The following COL18A1 variants were observed in gnomAD, a reference collection of about 807,000 sequenced individuals.
COL18A1 encodes the protein collagen alpha-1(XVIII) chain.
Under a neutral mutation model 168.0 loss-of-function variants are expected in COL18A1, and 133 were observed. The observed-to-expected ratio is 0.79, with a 90% confidence interval of 0.69 to 0.91. The LOEUF (loss-of-function observed/expected upper bound fraction) is 0.91. COL18A1 is among the 40% of genes least tolerant of loss of function. COL18A1 has a pLI of 0.00. For synonymous variants in COL18A1, 949 were observed against 809.0 expected (o/e 1.17, Z -2.94); for missense variants, 2,126 against 1,925.4 (o/e 1.10, Z -1.95).
chr21:45,418,339 A>G (rs143860122), intron 2 of COL18A1, among the ~76,000 whole-genome samples: 1 of 151,960 alleles, frequency 6.6e-6, no homozygotes, highest in East Asian at 1.9e-4. Context: ...AGGGTCCCCG[A>G]GCTGGGGAGG....
rs567903603 is a variant in COL18A1 at position 45,456,512 on chromosome 21, G to A, written c.107-11730G>A. ...CTCTGCCCTGCTCGGGGCTGACCCCGAGGCCCCCGCCGGTCGCTGCCTGCC... is the reference window on the plus strand; with the variant it reads ...CTCTGCCCTGCTCGGGGCTGACCCCAAGGCCCCCGCCGGTCGCTGCCTGCC... On this transcript the variant is annotated intron_variant, in intron 2 of 41. Transcript: ENST00000651438. 5.7e-5 allele frequency: 88 copies of A among 1,547,636 alleles called. No homozygotes were observed. The African/African-American group carries it at 8.6e-4, about 15-fold the overall frequency.
chr21:45,479,155 AGTGT>A lies in COL18A1; in HGVS notation c.1249-743_1249-740del, dbSNP rs1033339239. Among the ~76,000 whole-genome samples the A allele has an allele frequency of 3.3e-4, 49 of 149,624 alleles. No individual in the cohort carries two copies. In the South Asian group the frequency reaches 0.01, roughly 31 times the overall value. ...GTGTGTATGTATGTGCATGTGTTTG[AGTGT>A]GTGAATGTGTGACTGCGCGTGTGTG... On this transcript the variant is annotated intron_variant, in intron 9 of 41. Coordinates refer to ENST00000651438, the MANE Select transcript of COL18A1 (RefSeq NM_001379500.1).
At position 45,496,547 on chromosome 21, in the gene COL18A1, G is replaced by A. The variant is rs1322928562; in HGVS notation, c.2556G>A (p.Gly852=). Residue 852 remains glycine, a synonymous_variant, in exon 30 of 42, where the codon GGG becomes GGA. Transcript: ENST00000651438. ...CTCCAGGGCCCCCAGGCCCTCCAGG[G>A]ACTCCTGTTTACGACAGCAATGTAA... ...PGPPGPPGPP[G]TPVYDSNVFA... 5 of 1,523,044 alleles carry A rather than the reference G, an allele frequency of 3.3e-6. 1 individual carries two copies. In the South Asian group the frequency reaches 5.6e-5, roughly 17 times the overall value. The allele number at this position is 1,523,044 out of a possible 1,614,324, so 94.3% of individuals were successfully genotyped here. A position where few individuals can be genotyped will look rare whatever the true frequency, so the allele number is the denominator to read the frequency against.
At chr21:45,421,227 T>C in intron 2 of COL18A1, 1 of 362,024 alleles carries the variant, frequency 2.8e-6, no homozygotes, top group Admixed American at 3.7e-5. Flanking sequence ...CCCACCCCCA[T>C]AGGTGCTTGC....
rs1384580699 is a variant in COL18A1 at position 45,456,025 on chromosome 21, G to A, written c.107-12217G>A. 8 of 1,610,956 alleles carry A rather than the reference G, an allele frequency of 5.0e-6. No homozygotes were observed. Among genetic ancestry groups the A allele is most frequent in the African/African-American group, 1.3e-5 (1 of 74,866 alleles). On this transcript the variant is annotated intron_variant, in intron 2 of 41. Coordinates refer to ENST00000651438, the MANE Select transcript of COL18A1 (RefSeq NM_001379500.1). ...CTTCCAGCACCCCCCAGGAGAATGG[G>A]ACCACTCTCTGGCCCAGCCGTGGCA... is the stretch of plus-strand genomic sequence containing the variant.
intron 32 of COL18A1, among the ~76,000 whole-genome samples, chr21:45,501,765 AGAAGGACCCCCAGGGGCTCCAC>A (rs2036852429): frequency 2.5e-5 from 2 of 79,134 alleles, no homozygotes; most frequent in Non-Finnish European, 5.9e-5. Flanking sequence ...CTCCCTCTGC[AGAAGGACCCCCAGGGGCTCCAC>A]AGCCGGTCAC....
chr21:45,458,179 G>C (rs985972431), intron 2 of COL18A1, among the ~76,000 whole-genome samples: 6 of 151,510 alleles, frequency 4.0e-5, no homozygotes, highest in African/African-American at 1.2e-4. Context: ...GCGCTGGGGG[G>C]GCCTGGTGTG....
intron 2 of COL18A1, chr21:45,456,082 G>T (rs2034795053): frequency 6.2e-7 from 1 of 1,602,028 alleles, no homozygotes; most frequent in East Asian, 2.2e-5. Context: ...ACACAACCGA[G>T]GCTGGCACCT....
intron 12 of COL18A1, 45 bp downstream of exon 12, chr21:45,480,565 T>C (rs1002114763): frequency 2.5e-6 from 4 of 1,613,584 alleles, no homozygotes; most frequent in Non-Finnish European, 3.4e-6. Context: ...TCTGTGCCCA[T>C]GAGGAACAGG....
intron 2 of COL18A1, among the ~76,000 whole-genome samples, chr21:45,415,994 A>C (rs550380462): frequency 1.3e-5 from 2 of 152,092 alleles, no homozygotes; most frequent in African/African-American, 4.8e-5. Flanking sequence ...CGGGCCTTTC[A>C]ATTATCCAGA....
rs753192695 is a variant in COL18A1, at chr21:45,480,480, T to C, written c.1412T>C (p.Met471Thr). 2 of 1,614,092 alleles carry C rather than the reference T, an allele frequency of 1.2e-6. No individual in the cohort carries two copies. The highest frequency in any genetic ancestry group is 1.7e-6 in the Non-Finnish European group (2 of 1,180,014). Residue 471 changes from methionine (M) to threonine (T), a missense_variant, in exon 12 of 42, where the codon ATG becomes ACG. Met to Thr is a moderately conservative substitution (Grantham distance 81). Transcript: ENST00000651438. ...TCTTTTCCTCAGACCTTCATTGACA[T>C]GGAGGGATCTGGCTTCGGGGGCGAT... The part of the protein sequence containing the change: ...FRHDKLTFID[M>T]EGSGFGGDLE...
At position 45,509,518 on chromosome 21, in the gene COL18A1, C is replaced by T. The variant is rs780206261; in HGVS notation, c.3412C>T (p.Pro1138Ser). ...LPEPQPYPGA[P>S]HHSSYVHLRP... ...CGAGCCCCAGCCCTACCCCGGAGCC[C>T]CGCACCACAGCTCCTACGTGCACCT... The change falls in exon 39 of 42, where the codon CCG becomes TCG. Residue 1138 changes from proline to serine, a missense_variant. Physicochemically the swap from Pro to Ser is moderately conservative, Grantham distance 74 (BLOSUM62 -1). Transcript: ENST00000651438. 8 of 1,534,708 alleles carry T rather than the reference C, an allele frequency of 5.2e-6. No homozygotes were observed. The East Asian group carries it at 1.9e-4, about 37-fold the overall frequency.
intron 2 of COL18A1, among the ~76,000 whole-genome samples, chr21:45,429,180 C>A (rs779396218): frequency 3.3e-5 from 5 of 151,672 alleles, no homozygotes; most frequent in Non-Finnish European, 7.4e-5. Flanking sequence ...GGATTACAGG[C>A]GTGAGCCACC....
chr21:45,478,137 G>C, intron 8 of COL18A1, 172 bp downstream of exon 8: 1 of 807,382 alleles, frequency 1.2e-6, no homozygotes. Flanking sequence ...GGTCAGACGT[G>C]GGAGGCGGAG....
intron 2 of COL18A1, chr21:45,409,903 C>G (rs1358971970): frequency 6.6e-6 from 1 of 152,274 alleles, no homozygotes; most frequent in Non-Finnish European, 1.5e-5. Flanking sequence ...TGTGTTGTCC[C>G]CTGGCGCTGC....
chr21:45,482,904 C>T (rs773044472), intron 15 of COL18A1, 83 bp downstream of exon 15: 17 of 1,603,720 alleles, frequency 1.1e-5, no homozygotes, highest in Non-Finnish European at 1.4e-5. Context: ...GTGGCAGCCC[C>T]ACGGTCGAGA....
chr21:45,480,015 A>G (rs751877864), intron 10 of COL18A1, 51 bp downstream of exon 10: 6 of 1,613,068 alleles, frequency 3.7e-6, no homozygotes, highest in African/African-American at 1.3e-5. Context: ...CCCTTGGCTC[A>G]AGGTGGGGGC....
chr21:45,452,450 G>T (rs924260011), intron 2 of COL18A1, among the ~76,000 whole-genome samples: 1 of 151,158 alleles, frequency 6.6e-6, no homozygotes. Flanking sequence ...GAGTACTCAC[G>T]TGTGACATGT....
In COL18A1 at chr21:45,492,518, C is replaced by T. The variant is rs1225977804; in HGVS notation, c.2158-17C>T. On this transcript the variant is annotated splice_polypyrimidine_tract_variant and intron_variant, in intron 22 of 41. Coordinates refer to ENST00000651438, the MANE Select transcript of COL18A1 (RefSeq NM_001379500.1). ...CGCGGCTCTTTGTTTCCGATTTTTCCTTTTGCTCGTGGACAGGGATCCGTC... is the reference window on the plus strand; with the variant it reads ...CGCGGCTCTTTGTTTCCGATTTTTCTTTTTGCTCGTGGACAGGGATCCGTC... 3 of 1,613,474 alleles carry T rather than the reference C, an allele frequency of 1.9e-6. No individual in the cohort carries two copies. Among genetic ancestry groups the T allele is most frequent in the East Asian group, 4.5e-5 (2 of 44,880 alleles).
Sources: allele counts gnomAD v4.1 joint callset (sites outside exome capture counted in the v4.1 genomes callset), GRCh38; gene constraint gnomAD v4.1.1; transcripts MANE v1.5; gene names NCBI Gene and HGNC (gene_info 2026-07-23, HGNC 2026-07-21).